GALNT18: variants seen among roughly 807,000 people sequenced by gnomAD.
GALNT18 encodes GalNAc-transferase 18.
A neutral mutation model predicts 69.5 loss-of-function variants in GALNT18; 44 were observed. The ratio of observed to expected loss-of-function variants is 0.63; its 90% CI spans 0.50 to 0.81. The LOEUF (loss-of-function observed/expected upper bound fraction) is 0.81, where lower values mean the gene tolerates loss of function less well. Among genes scored for constraint, GALNT18 ranks in the 40% least tolerant of loss-of-function variants. The pLI is 0.00. For missense variants in GALNT18, 715 were observed against 810.0 expected (o/e 0.88, Z 1.42); for synonymous variants, 364 against 318.2 (o/e 1.14, Z -1.53).
At chr11:11,284,853 T>C (rs1020275036) in intron 10 of GALNT18, among the ~76,000 whole-genome samples, 1 of 151,166 alleles carries the variant, frequency 6.6e-6, no homozygotes, top group Admixed American at 6.6e-5. Flanking sequence ...TAGAGTTAAG[T>C]GGTCTTTTTG....
chr11:11,402,938 G>A lies in GALNT18; in HGVS notation c.596-23674C>T, dbSNP rs77759946. Among the ~76,000 whole-genome samples the A allele has an allele frequency of 3.3e-5, 5 of 152,128 alleles. No homozygotes were observed. Among genetic ancestry groups the A allele is most frequent in the African/African-American group, 9.7e-5 (4 of 41,408 alleles). On this transcript the variant is annotated intron_variant, in intron 3 of 10. Coordinates refer to ENST00000227756, the MANE Select transcript of GALNT18 (RefSeq NM_198516.3). This position sits in a 1 kb window ranked among gnomAD's most constrained non-coding sequence, Gnocchi z 4.0. ...GAAAGTGGGTGCTTCTTTCTTCTCT[G>A]CCCCAGGCATTCCCCTGAGGAAAGT...
At chr11:11,437,015 C>T (rs912247754) in intron 2 of GALNT18, among the ~76,000 whole-genome samples, 2 of 152,210 alleles carry the variant, frequency 1.3e-5, no homozygotes, top group South Asian at 4.1e-4. Flanking sequence ...GGGCCACCCA[C>T]ACACTCTGCT....
At position 11,621,301 on chromosome 11, in the gene GALNT18, C is replaced by G; in HGVS notation, c.235+58G>C. On this transcript the variant is annotated intron_variant, in intron 1 of 10. Coordinates refer to ENST00000227756, the MANE Select transcript of GALNT18 (RefSeq NM_198516.3). This position sits in a 1 kb window ranked among gnomAD's most constrained non-coding sequence, Gnocchi z 9.3. The stretch of plus-strand genomic sequence containing the variant: ...TGCGCACCAGCCCCAGCGCACCCCG[C>G]GCCGCGCGGGGCACTCCCGGGCCTC... 2 of 1,461,118 alleles carry G rather than the reference C, an allele frequency of 1.4e-6. No homozygotes were observed. The highest frequency in any genetic ancestry group is 1.9e-6 in the Non-Finnish European group (2 of 1,055,656). The allele number at this position is 1,461,118 out of a possible 1,614,324, so 90.5% of individuals were successfully genotyped here.
chr11:11,449,894 T>C (rs1268189214), intron 1 of GALNT18, among the ~76,000 whole-genome samples: 2 of 152,220 alleles, frequency 1.3e-5, no homozygotes, highest in African/African-American at 4.8e-5. Flanking sequence ...TCAGAACAAG[T>C]GCACAGCCAA....
intron 2 of GALNT18, among the ~76,000 whole-genome samples, chr11:11,440,621 C>T (rs1590004005): frequency 6.6e-6 from 1 of 152,214 alleles, no homozygotes; most frequent in South Asian, 2.1e-4. Context: ...TTCTGTGTAA[C>T]CTGTCCTGCA....
intron 1 of GALNT18, among the ~76,000 whole-genome samples, chr11:11,460,595 G>A (rs866694151): frequency 1.3e-5 from 2 of 152,084 alleles, no homozygotes; most frequent in African/African-American, 2.4e-5. Flanking sequence ...TTCCTCCCTC[G>A]TACACTCACT....
chr11:11,285,344 TACC>T, intron 10 of GALNT18, among the ~76,000 whole-genome samples: 1 of 152,168 alleles, frequency 6.6e-6, no homozygotes, highest in Non-Finnish European at 1.5e-5. Context: ...TTATAGTAAG[TACC>T]TTATAGCGCT....
At position 11,463,247 on chromosome 11, in the gene GALNT18, C is replaced by T. The variant is rs1283166869; in HGVS notation, c.236-14311G>A. On this transcript the variant is annotated intron_variant, in intron 1 of 10. Coordinates refer to ENST00000227756, the MANE Select transcript of GALNT18 (RefSeq NM_198516.3). This position sits in a 1 kb window ranked among gnomAD's most constrained non-coding sequence, Gnocchi z 4.2. ...ACACAGAGAGAGAGAGAGAGAGTTCCAGAAGCCCGCAGCAGCCTACAAAAG... is the reference window on the plus strand; with the variant it reads ...ACACAGAGAGAGAGAGAGAGAGTTCTAGAAGCCCGCAGCAGCCTACAAAAG... Among the ~76,000 whole-genome samples the T allele has an allele frequency of 1.3e-5, 2 of 151,806 alleles. No homozygotes were observed. The highest frequency in any genetic ancestry group is 1.9e-4 in the East Asian group (1 of 5,176).
intron 6 of GALNT18, among the ~76,000 whole-genome samples, chr11:11,345,532 G>T (rs1212352893): frequency 6.6e-6 from 1 of 152,154 alleles, no homozygotes; most frequent in African/African-American, 2.4e-5. Flanking sequence ...ATTGGGAGGG[G>T]CAGGGGATAA....
intron 1 of GALNT18, among the ~76,000 whole-genome samples, chr11:11,520,674 G>A (rs765084371): frequency 6.6e-6 from 1 of 152,190 alleles, no homozygotes; most frequent in African/African-American, 2.4e-5. Flanking sequence ...AGCTAGATGG[G>A]GCAGAGGGAG....
chr11:11,471,499 G>T (rs1856269095), intron 1 of GALNT18, among the ~76,000 whole-genome samples: 1 of 152,158 alleles, frequency 6.6e-6, no homozygotes, highest in Non-Finnish European at 1.5e-5. Context: ...AATGCAAATT[G>T]CAGGCAAGAT....
chr11:11,274,476 G>C (rs1019315302), intron 10 of GALNT18, among the ~76,000 whole-genome samples: 1 of 152,192 alleles, frequency 6.6e-6, no homozygotes, highest in African/African-American at 2.4e-5. Flanking sequence ...AGCAGTCTGA[G>C]GTTGACCTGG....
At chr11:11,371,448 GC>G (rs1238015559) in intron 6 of GALNT18, among the ~76,000 whole-genome samples, 36 of 152,188 alleles carry the variant, frequency 2.4e-4, no homozygotes, top group Admixed American at 2.4e-3. Context: ...CCAGAGTAGG[GC>G]CAGTAGGTGG....
chr11:11,323,353 C>T (rs1043562427), intron 9 of GALNT18, among the ~76,000 whole-genome samples: 2 of 152,228 alleles, frequency 1.3e-5, no homozygotes, highest in Non-Finnish European at 2.9e-5. Flanking sequence ...GTGGGAAAGG[C>T]ATAGAATAGA....
At chr11:11,481,910 C>T (rs752435627) in intron 1 of GALNT18, among the ~76,000 whole-genome samples, 5 of 152,218 alleles carry the variant, frequency 3.3e-5, no homozygotes, top group Non-Finnish European at 7.3e-5. Context: ...AATGGCAGAT[C>T]CTTCAAAGCA....
At chr11:11,308,905 A>C (rs1303353807) in intron 9 of GALNT18, among the ~76,000 whole-genome samples, 1 of 152,012 alleles carries the variant, frequency 6.6e-6, no homozygotes, top group Non-Finnish European at 1.5e-5. Context: ...ACCCACACCT[A>C]GACCCCAGCT....
chr11:11,519,182 A>G (rs1403435231), intron 1 of GALNT18, among the ~76,000 whole-genome samples: 1 of 152,250 alleles, frequency 6.6e-6, no homozygotes, highest in African/African-American at 2.4e-5. Flanking sequence ...GCATCAGCCC[A>G]GAGGGGTGTG....
chr11:11,271,351 A>T, intron 10 of GALNT18, 61 bp from the exon 11 acceptor site: 3 of 1,562,894 alleles, frequency 1.9e-6, no homozygotes, highest in Admixed American at 3.4e-5. Flanking sequence ...GAAATTCGGG[A>T]GCCTCAGGCC....
At chr11:11,361,296 G>A (rs767518149) in intron 6 of GALNT18, among the ~76,000 whole-genome samples, 8 of 152,094 alleles carry the variant, frequency 5.3e-5, no homozygotes, top group South Asian at 2.1e-4. Context: ...GGTTCAAATC[G>A]CATCTTTACC....
Sources: allele counts gnomAD v4.1 joint callset (sites outside exome capture counted in the v4.1 genomes callset), GRCh38; gene constraint gnomAD v4.1.1; non-coding constraint Gnocchi (gnomAD v3.1); transcripts MANE v1.5; gene names NCBI Gene and HGNC (gene_info 2026-07-23, HGNC 2026-07-21).